The following SYN3 variants were observed in gnomAD, a reference collection of about 807,000 sequenced individuals.
The protein encoded by SYN3 is synapsin-3.
In SYN3, 35 loss-of-function variants were observed where a neutral mutation model predicts 65.8. The observed-to-expected ratio is 0.53, with a 90% confidence interval of 0.41 to 0.70. The LOEUF is 0.70. Ranked by LOEUF, SYN3 falls within the 30% of genes least tolerant of loss-of-function variation. The probability of loss-of-function intolerance (pLI) is 0.00; values close to 1 mark genes in which losing one functional copy is unlikely to be tolerated. For missense variants in SYN3, 680 were observed against 749.0 expected, an observed-to-expected ratio of 0.91 and a Z score of 1.08; for synonymous variants, 270 against 292.9, an observed-to-expected ratio of 0.92 and a Z score of 0.80.
At chr22:32,912,040 G>T (rs527466387) in intron 4 of SYN3, among the ~76,000 whole-genome samples, 4 of 152,176 alleles carry the variant, frequency 2.6e-5, no homozygotes, top group Non-Finnish European at 5.9e-5. Context: ...GTAGCTTATC[G>T]TACGCATCAA....
intron 12 of SYN3, among the ~76,000 whole-genome samples, chr22:32,522,324 T>A (rs1394024920): frequency 6.6e-6 from 1 of 152,200 alleles, no homozygotes; most frequent in African/African-American, 2.4e-5. Flanking sequence ...ACTAAAAGTG[T>A]GTTTAGCCTC....
chr22:32,564,440 A>G (rs1000038720), intron 7 of SYN3, among the ~76,000 whole-genome samples: 5 of 152,206 alleles, frequency 3.3e-5, no homozygotes, highest in Admixed American at 2.0e-4. Flanking sequence ...AATGCTTTTC[A>G]TATGCCAGGC....
At chr22:32,529,577 C>T (rs769879437) in intron 10 of SYN3, among the ~76,000 whole-genome samples, 2 of 152,152 alleles carry the variant, frequency 1.3e-5, no homozygotes, top group Admixed American at 6.5e-5. Flanking sequence ...GTGCTTCTAT[C>T]GGGAGGAACC....
At chr22:32,866,953 G>C (rs1025375593) in intron 5 of SYN3, among the ~76,000 whole-genome samples, 2 of 152,166 alleles carry the variant, frequency 1.3e-5, no homozygotes, top group Non-Finnish European at 2.9e-5. Flanking sequence ...CACATTCTAA[G>C]CGTTTTCATC....
At chr22:32,648,755 G>A (rs1211070208) in intron 6 of SYN3, among the ~76,000 whole-genome samples, 1 of 152,192 alleles carries the variant, frequency 6.6e-6, no homozygotes, top group Non-Finnish European at 1.5e-5. Flanking sequence ...CACACACAGA[G>A]TATACGCTGA....
At chr22:32,748,663 C>A (rs542564307) in intron 6 of SYN3, among the ~76,000 whole-genome samples, 1 of 152,184 alleles carries the variant, frequency 6.6e-6, no homozygotes, top group South Asian at 2.1e-4. Context: ...GAGCTGTTTG[C>A]TAAGTGCCCT....
chr22:32,722,735 T>C (rs2061137378), intron 6 of SYN3, among the ~76,000 whole-genome samples: 1 of 152,194 alleles, frequency 6.6e-6, no homozygotes, highest in Non-Finnish European at 1.5e-5. Flanking sequence ...AAGAAGTCAC[T>C]GCCAGTCCCC....
Position 33,040,849 on chromosome 22 carries a change from G to A in SYN3, c.-163+17443C>T, listed in dbSNP as rs147974281. Among the ~76,000 whole-genome samples, 447 of 152,154 alleles carry A rather than the reference G, an allele frequency of 2.9e-3. 10 individuals are homozygous for A. Among genetic ancestry groups the A allele is most frequent in the Admixed American group, 0.026 (399 of 15,274 alleles). On this transcript the variant is annotated intron_variant, in intron 1 of 13. Transcript: ENST00000358763. The stretch of plus-strand genomic sequence containing the variant: ...TCCACCATGATTGTAAATTTCCTGC[G>A]GCCTCCCCAGCCATGCTGAACTGTG...
chr22:32,590,036 A>T (rs1326233858), intron 7 of SYN3, among the ~76,000 whole-genome samples: 1 of 152,208 alleles, frequency 6.6e-6, no homozygotes, highest in Non-Finnish European at 1.5e-5. Context: ...AGAAGGGCAA[A>T]AACAAAAAAC....
intron 4 of SYN3, among the ~76,000 whole-genome samples, chr22:32,878,983 T>C (rs1352086582): frequency 1.3e-5 from 2 of 152,168 alleles, no homozygotes; most frequent in African/African-American, 4.8e-5. Flanking sequence ...ATTACTTAAA[T>C]GTTGACAATG....
At chr22:32,533,749 G>C (rs758041943) in intron 10 of SYN3, 44 bp downstream of exon 10, 1 of 1,420,446 alleles carries the variant, frequency 7.0e-7, no homozygotes, top group East Asian at 2.3e-5. Flanking sequence ...TGGCACGCCT[G>C]CCAGGCTGGA....
At chr22:32,866,424 C>A (rs917123006) in intron 5 of SYN3, among the ~76,000 whole-genome samples, 1 of 152,132 alleles carries the variant, frequency 6.6e-6, no homozygotes, top group Non-Finnish European at 1.5e-5. Context: ...ATTTTGCAGA[C>A]AAGGAAATTG....
chr22:33,011,650 GT>G (rs529265120), intron 1 of SYN3, among the ~76,000 whole-genome samples: 1 of 151,746 alleles, frequency 6.6e-6, no homozygotes, highest in African/African-American at 2.4e-5. Flanking sequence ...GTAATATTGT[GT>G]TTTTTTTCTT....
At position 32,840,693 on chromosome 22, in the gene SYN3, G is replaced by T. The variant is rs181419940; in HGVS notation, c.711+24222C>A. Among the ~76,000 whole-genome samples, 182 of 152,170 alleles carry T rather than the reference G, an allele frequency of 1.2e-3. 1 individual carries two copies. Among genetic ancestry groups the T allele is most frequent in the Admixed American group, 5.0e-3 (76 of 15,282 alleles). ...CAGACTTCTTCCTCCTCTGGATTCA[G>T]ACGCAGCAAACTGAGTCTCTTCTGC... On this transcript the variant is annotated intron_variant, in intron 6 of 13. Coordinates refer to ENST00000358763, the MANE Select transcript of SYN3 (RefSeq NM_003490.4).
At chr22:32,694,567 C>G (rs936901750) in intron 6 of SYN3, among the ~76,000 whole-genome samples, 7 of 152,160 alleles carry the variant, frequency 4.6e-5, no homozygotes, top group African/African-American at 1.7e-4. Context: ...CCCTCCATGT[C>G]CCTTAGTTCT....
chr22:32,777,891 C>T (rs1602123316), intron 6 of SYN3, among the ~76,000 whole-genome samples: 1 of 152,266 alleles, frequency 6.6e-6, no homozygotes, highest in South Asian at 2.1e-4. Context: ...TTTCTGACTA[C>T]ATGTTGTACT....
chr22:32,713,314 A>T (rs1054968538), intron 6 of SYN3, among the ~76,000 whole-genome samples: 1 of 152,176 alleles, frequency 6.6e-6, no homozygotes, highest in African/African-American at 2.4e-5. Context: ...GCTTTGTAGA[A>T]ACTGTTTTAT....
intron 1 of SYN3, among the ~76,000 whole-genome samples, chr22:33,021,872 G>T (rs1460445654): frequency 6.7e-6 from 1 of 148,972 alleles, no homozygotes; most frequent in African/African-American, 2.5e-5. Context: ...CGTCTGACTT[G>T]TCCACTGATG....
At chr22:32,602,687 C>T (rs1044182610) in intron 6 of SYN3, among the ~76,000 whole-genome samples, 5 of 152,184 alleles carry the variant, frequency 3.3e-5, no homozygotes, top group African/African-American at 1.2e-4. Flanking sequence ...GTCTTCATCT[C>T]CTGACCTTGT....
Sources: gnomAD v4.1 joint callset for allele counts (sites outside exome capture counted in the v4.1 genomes callset) on GRCh38, gnomAD v4.1.1 for gene constraint, MANE v1.5 for transcripts, NCBI Gene and HGNC (gene_info 2026-07-23, HGNC 2026-07-21) for gene names.